The following KLF12 variants were observed in gnomAD, a reference collection of about 807,000 sequenced individuals.
KLF12 encodes Krueppel-like factor 12.
Under a neutral mutation model 37.8 loss-of-function variants are expected in KLF12, and 9 were observed. The ratio of observed to expected loss-of-function variants is 0.24; its 90% CI spans 0.14 to 0.42. The LOEUF (loss-of-function observed/expected upper bound fraction) is 0.42, where lower values mean the gene tolerates loss of function less well. Among genes scored for constraint, KLF12 ranks in the 10% least tolerant of loss-of-function variants. The probability of loss-of-function intolerance (pLI) is 1.00; values close to 1 mark genes in which losing one functional copy is unlikely to be tolerated. For missense variants in KLF12, 411 were observed against 516.0 expected (o/e 0.80, Z 1.97); for synonymous variants, 208 against 202.1 (o/e 1.03, Z -0.25).
At chr13:73,946,439 A>C (rs1890426014) in intron 2 of KLF12, among the ~76,000 whole-genome samples, 1 of 152,240 alleles carries the variant, frequency 6.6e-6, no homozygotes, top group African/African-American at 2.4e-5. Flanking sequence ...CTGATAAATC[A>C]TAAAAACCTG....
At chr13:73,844,022 CA>C (rs1039194600) in intron 4 of KLF12, among the ~76,000 whole-genome samples, 19 of 151,272 alleles carry the variant, frequency 1.3e-4, no homozygotes, top group African/African-American at 3.9e-4. Context: ...TCATGGCAAA[CA>C]AAAAAAATCA....
intron 6 of KLF12, among the ~76,000 whole-genome samples, chr13:73,720,476 G>C (rs1254172484): frequency 3.3e-5 from 5 of 152,160 alleles, no homozygotes; most frequent in African/African-American, 1.2e-4. Context: ...ACTTGTAACT[G>C]TGTTCCCAAA....
At chr13:74,245,303 A>G in the KLF12 span, among the ~76,000 whole-genome samples, 119 of 141,920 alleles carry the variant, frequency 8.4e-4, no homozygotes, top group African/African-American at 3.0e-3. Context: ...TTATCTATCT[A>G]TCTATCTATC....
chr13:73,717,420 A>G (rs1593998749), intron 6 of KLF12, among the ~76,000 whole-genome samples: 1 of 152,230 alleles, frequency 6.6e-6, no homozygotes, highest in Non-Finnish European at 1.5e-5. Context: ...ATTCATTGCC[A>G]TTTCCCAAGT....
chr13:74,305,057 C>G, the KLF12 span, among the ~76,000 whole-genome samples: 12 of 151,978 alleles, frequency 7.9e-5, no homozygotes, highest in African/African-American at 2.9e-4. Flanking sequence ...TAATTAACCT[C>G]CTCCCTTCTC....
intron 6 of KLF12, among the ~76,000 whole-genome samples, chr13:73,738,262 A>C (rs1594030612): frequency 6.6e-6 from 1 of 150,998 alleles, no homozygotes; most frequent in Non-Finnish European, 1.5e-5. Context: ...CTCCTGCCTC[A>C]GCCTCCCAAG....
At chr13:74,246,220 T>C in the KLF12 span, among the ~76,000 whole-genome samples, 1 of 152,220 alleles carries the variant, frequency 6.6e-6, no homozygotes, top group African/African-American at 2.4e-5. Flanking sequence ...GACGCACTTA[T>C]GACAGGGCTA....
chr13:73,935,966 A>T (rs183933601), intron 3 of KLF12, among the ~76,000 whole-genome samples: 1 of 152,256 alleles, frequency 6.6e-6, no homozygotes, highest in Non-Finnish European at 1.5e-5. Flanking sequence ...TCATCTGTTT[A>T]ATTTTTTATC....
At chr13:73,783,697 G>A (rs1172849857) in intron 5 of KLF12, among the ~76,000 whole-genome samples, 5 of 151,928 alleles carry the variant, frequency 3.3e-5, no homozygotes, top group Non-Finnish European at 7.4e-5. Flanking sequence ...ATGATGGCCT[G>A]TATAACCCCT....
chr13:73,867,996 G>A (rs1886265376), intron 3 of KLF12, among the ~76,000 whole-genome samples: 1 of 150,418 alleles, frequency 6.6e-6, no homozygotes, highest in Non-Finnish European at 1.5e-5. Flanking sequence ...ACTCCAGCCT[G>A]GGCAACAAAC....
At chr13:74,263,130 T>G in the KLF12 span, among the ~76,000 whole-genome samples, 1 of 152,188 alleles carries the variant, frequency 6.6e-6, no homozygotes, top group Admixed American at 6.5e-5. Flanking sequence ...AGAGAAAGTA[T>G]TTAAAGTAAG....
At chr13:74,155,898 C>G in the KLF12 span, among the ~76,000 whole-genome samples, 3 of 152,266 alleles carry the variant, frequency 2.0e-5, no homozygotes, top group African/African-American at 7.2e-5. Context: ...TTGCCAGCCT[C>G]CAGTGAGGTA....
chr13:74,162,590 C>A, the KLF12 span, among the ~76,000 whole-genome samples: 1 of 152,176 alleles, frequency 6.6e-6, no homozygotes, highest in South Asian at 2.1e-4. Flanking sequence ...TACTTATTTT[C>A]TCTTCTCTTG....
chr13:73,743,485 T>C (rs957454409), intron 6 of KLF12, among the ~76,000 whole-genome samples: 1 of 152,200 alleles, frequency 6.6e-6, no homozygotes, highest in African/African-American at 2.4e-5. Context: ...CCGTAGAATA[T>C]GGCTTTGCCT....
the KLF12 span, among the ~76,000 whole-genome samples, chr13:74,159,499 C>A: frequency 6.6e-6 from 1 of 152,114 alleles, no homozygotes; most frequent in South Asian, 2.1e-4. Context: ...TTGTCCCATG[C>A]TAAAGAAGTT....
chr13:74,039,909 T>C (rs1044389325), intron 1 of KLF12, among the ~76,000 whole-genome samples: 1 of 152,242 alleles, frequency 6.6e-6, no homozygotes, highest in Non-Finnish European at 1.5e-5. Context: ...AAATTCAGTA[T>C]AAAATAGTGA....
At chr13:74,034,346 G>T (rs1310148584) in intron 1 of KLF12, among the ~76,000 whole-genome samples, 1 of 152,168 alleles carries the variant, frequency 6.6e-6, no homozygotes, top group African/African-American at 2.4e-5. Context: ...TGGGATTACA[G>T]GCATGAGCCA....
At chr13:73,891,829 C>T (rs967409233) in intron 3 of KLF12, among the ~76,000 whole-genome samples, 2 of 152,078 alleles carry the variant, frequency 1.3e-5, no homozygotes, top group African/African-American at 4.8e-5. Context: ...CAGTTTGCAT[C>T]TTTGGATGAC....
chr13:73,779,538 A>C (rs1037239031), intron 5 of KLF12, among the ~76,000 whole-genome samples: 1 of 152,148 alleles, frequency 6.6e-6, no homozygotes, highest in African/African-American at 2.4e-5. Context: ...CATTTCTTCC[A>C]TCTGGCTGCC....
Sources: gnomAD v4.1 joint callset for allele counts (sites outside exome capture counted in the v4.1 genomes callset) on GRCh38, gnomAD v4.1.1 for gene constraint, MANE v1.5 for transcripts, NCBI Gene and HGNC (gene_info 2026-07-23, HGNC 2026-07-21) for gene names.